The following RSRC1 variants were observed in gnomAD, a reference collection of about 807,000 sequenced individuals.
RSRC1 encodes arginine and serine rich coiled-coil 1.
RSRC1 carries 39 observed loss-of-function variants against 49.1 expected under a neutral mutation model. That is an observed-to-expected ratio of 0.79 (90% CI 0.61 to 1.04). The LOEUF (loss-of-function observed/expected upper bound fraction) is 1.04, where lower values mean the gene tolerates loss of function less well. Ranked by LOEUF, RSRC1 falls within the 50% of genes least tolerant of loss-of-function variation. The pLI, the probability that RSRC1 is intolerant of heterozygous loss-of-function variation, is 0.00. For missense variants in RSRC1, 388 were observed against 402.4 expected (o/e 0.96, Z 0.31); for synonymous variants, 143 against 130.8 (o/e 1.09, Z -0.63).
At chr3:158,241,118 C>A (rs1196578522) in intron 4 of RSRC1, among the ~76,000 whole-genome samples, 1 of 151,970 alleles carries the variant, frequency 6.6e-6, no homozygotes, top group Non-Finnish European at 1.5e-5. Context: ...GTATAGAACA[C>A]CCTATTTATT....
At chr3:158,521,619 T>C (rs1711680005) in intron 7 of RSRC1, among the ~76,000 whole-genome samples, 1 of 152,170 alleles carries the variant, frequency 6.6e-6, no homozygotes, top group Non-Finnish European at 1.5e-5. Flanking sequence ...ATATCATTAG[T>C]TGTGAAGCTA....
At chr3:158,531,324 AGCAT>A (rs1402957969) in intron 7 of RSRC1, among the ~76,000 whole-genome samples, 1 of 151,942 alleles carries the variant, frequency 6.6e-6, no homozygotes, top group Non-Finnish European at 1.5e-5. Flanking sequence ...AGAAGGTGAG[AGCAT>A]TCCAGGTGAG....
Position 158,147,279 on chromosome 3 carries a change from C to T in RSRC1, c.320+23288C>T, listed in dbSNP as rs977823552. Among the ~76,000 whole-genome samples, 44 of 152,004 alleles carry T rather than the reference C, an allele frequency of 2.9e-4. 1 individual carries two copies. The highest frequency in any genetic ancestry group is 9.9e-4 in the African/African-American group (41 of 41,456). ...TGTGTGAGACAGCATCTTGCTCTGT[C>T]ACCCAGGTTTGAATGCAGTGGTGCA... On this transcript the variant is annotated intron_variant, in intron 3 of 9. Transcript: ENST00000611884.
intron 5 of RSRC1, among the ~76,000 whole-genome samples, chr3:158,344,393 A>G (rs1730434841): frequency 6.6e-6 from 1 of 152,216 alleles, no homozygotes; most frequent in South Asian, 2.1e-4. Flanking sequence ...GCATAGAGGA[A>G]TGCAAATAGG....
At chr3:158,390,465 A>G (rs764786840) in intron 6 of RSRC1, among the ~76,000 whole-genome samples, 1 of 152,202 alleles carries the variant, frequency 6.6e-6, no homozygotes, top group Non-Finnish European at 1.5e-5. Flanking sequence ...ATATCTTAAA[A>G]TAAAACATGA....
At chr3:158,486,897 G>A (rs1371556325) in intron 7 of RSRC1, among the ~76,000 whole-genome samples, 2 of 152,082 alleles carry the variant, frequency 1.3e-5, no homozygotes, top group South Asian at 2.1e-4. Flanking sequence ...TCTTTTTACT[G>A]TGTTACAACC....
chr3:158,425,430 C>G (rs986620095), intron 6 of RSRC1, among the ~76,000 whole-genome samples: 3 of 152,050 alleles, frequency 2.0e-5, no homozygotes, highest in Non-Finnish European at 4.4e-5. Context: ...TTTGATTGCA[C>G]TGTGGTCTGA....
rs191574084 is a variant in RSRC1, at chr3:158,502,402, G to A, written c.653-34690G>A. The stretch of plus-strand genomic sequence containing the variant: ...TTCTTTGTGCTTCTTGTATTTGCAT[G>A]TCTAGTTCTCTAGCAAGGCTGGGGA... On this transcript the variant is annotated intron_variant, in intron 7 of 9. Coordinates refer to ENST00000611884, the MANE Select transcript of RSRC1 (RefSeq NM_001271838.2). 3.9e-3 allele frequency among the ~76,000 whole-genome samples: 596 copies of A among 152,260 alleles called. 7 individuals are homozygous for A. The Middle Eastern group carries it at 0.048, about 12-fold the overall frequency.
At chr3:158,271,150 T>TGATTTTA (rs1472687815) in intron 4 of RSRC1, among the ~76,000 whole-genome samples, 1 of 152,092 alleles carries the variant, frequency 6.6e-6, no homozygotes, top group Non-Finnish European at 1.5e-5. Flanking sequence ...TTTGAAGTAA[T>TGATTTTA]GATTTTAGAA....
chr3:158,437,727 A>C (rs557068185), intron 6 of RSRC1, among the ~76,000 whole-genome samples: 8 of 152,168 alleles, frequency 5.3e-5, no homozygotes, highest in Non-Finnish European at 8.8e-5. Context: ...AACGGGCAAA[A>C]ACTGGAAGCA....
chr3:158,455,258 A>G (rs920626736), intron 6 of RSRC1, among the ~76,000 whole-genome samples: 2 of 152,140 alleles, frequency 1.3e-5, no homozygotes, highest in African/African-American at 4.8e-5. Context: ...GTGATGCAGT[A>G]TCAAAGACTG....
chr3:158,470,512 A>G (rs1738091452), intron 7 of RSRC1, among the ~76,000 whole-genome samples: 1 of 152,080 alleles, frequency 6.6e-6, no homozygotes, highest in South Asian at 2.1e-4. Flanking sequence ...GGGGGTGGGA[A>G]TGGAGGATTA....
intron 7 of RSRC1, among the ~76,000 whole-genome samples, chr3:158,474,611 G>T (rs1738287588): frequency 6.6e-6 from 1 of 152,170 alleles, no homozygotes; most frequent in Admixed American, 6.5e-5. Flanking sequence ...ATTTATCGTA[G>T]AACTTCTTCT....
chr3:158,324,356 A>G (rs978443103), intron 5 of RSRC1, among the ~76,000 whole-genome samples: 1 of 152,052 alleles, frequency 6.6e-6, no homozygotes, highest in African/African-American at 2.4e-5. Context: ...TACATTAGCT[A>G]TATCTCCTAA....
chr3:158,252,220 G>A (rs1313810292), intron 4 of RSRC1, among the ~76,000 whole-genome samples: 1 of 151,312 alleles, frequency 6.6e-6, no homozygotes, highest in Non-Finnish European at 1.5e-5. Context: ...GGAGTGCAGT[G>A]GCATGATCTC....
intron 4 of RSRC1, among the ~76,000 whole-genome samples, chr3:158,294,813 C>T (rs1294992673): frequency 1.3e-5 from 2 of 152,110 alleles, no homozygotes; most frequent in Non-Finnish European, 2.9e-5. Flanking sequence ...GGCAGCCACT[C>T]AGTGTTGCAA....
chr3:158,446,160 G>A (rs1736699644), intron 6 of RSRC1, among the ~76,000 whole-genome samples: 1 of 152,056 alleles, frequency 6.6e-6, no homozygotes, highest in South Asian at 2.1e-4. Flanking sequence ...TAAATGCAGA[G>A]TTGATAAATA....
chr3:158,231,830 C>G (rs973649671), intron 4 of RSRC1, among the ~76,000 whole-genome samples: 1 of 151,922 alleles, frequency 6.6e-6, no homozygotes, highest in South Asian at 2.1e-4. Flanking sequence ...TTGTTATTTC[C>G]CAAATCATTC....
chr3:158,413,920 A>C (rs988699337), intron 6 of RSRC1, among the ~76,000 whole-genome samples: 1 of 152,218 alleles, frequency 6.6e-6, no homozygotes, highest in Non-Finnish European at 1.5e-5. Context: ...TGTGGAAGTC[A>C]GTGTGGAGAT....
Sources: gnomAD v4.1 joint callset for allele counts (sites outside exome capture counted in the v4.1 genomes callset) on GRCh38, gnomAD v4.1.1 for gene constraint, MANE v1.5 for transcripts, NCBI Gene and HGNC (gene_info 2026-07-23, HGNC 2026-07-21) for gene names.